The following ODF2L variants were observed in gnomAD, a reference collection of about 807,000 sequenced individuals.
The protein encoded by ODF2L is protein BCAP.
Under a neutral mutation model 86.3 loss-of-function variants are expected in ODF2L, and 76 were observed. The ratio of observed to expected loss-of-function variants is 0.88; its 90% confidence interval spans 0.73 to 1.07. The LOEUF (loss-of-function observed/expected upper bound fraction) is 1.07. Ranked by LOEUF, ODF2L falls within the 50% of genes least tolerant of loss-of-function variation. ODF2L has a pLI of 0.00. For missense variants in ODF2L, 748 were observed against 717.4 expected (o/e 1.04, Z -0.49); for synonymous variants, 241 against 231.3 (o/e 1.04, Z -0.38).
rs774921654 is a variant in ODF2L, at chr1:86,385,755, CTTTAT to C, written c.114-170_114-166del. On this transcript the variant is annotated intron_variant, in intron 2 of 17. Transcript: ENST00000317336. ...TGAGTGTAAGCAAATTTTAAGAATA[CTTTAT>C]TTTACTTATATTTTACTTGTACGTA... 1,035 of 467,524 alleles carry C rather than the reference CTTTAT, an allele frequency of 2.2e-3. 5 individuals carry two copies. The highest frequency in any genetic ancestry group is 0.012 in the Middle Eastern group (22 of 1,798). The allele number at this position is 467,524 out of a possible 1,614,324, so 29.0% of individuals were successfully genotyped here. A position where few individuals can be genotyped will look rare whatever the true frequency, so the allele number is the denominator to read the frequency against.
Position 86,359,519 on chromosome 1 carries a change from C to CTTTTT in ODF2L, c.1255-633_1255-629dup, listed in dbSNP as rs5775904. ...CTTAAGCTTTCATCCTTAGTTCATTCTTTTTTTTTTTTTTTTTTTTTGAGA... is the reference window on the plus strand; with the variant it reads ...CTTAAGCTTTCATCCTTAGTTCATTCTTTTTTTTTTTTTTTTTTTTTTTTTTGAGA... On this transcript the variant is annotated intron_variant, in intron 12 of 17. Transcript: ENST00000317336. Among the ~76,000 whole-genome samples the CTTTTT allele has an allele frequency of 7.4e-5, 7 of 95,106 alleles. No homozygotes were observed. The East Asian group carries it at 1.3e-3, about 18-fold the overall frequency. The allele number at this position is 95,106 out of a possible 152,430, so 62.4% of individuals were successfully genotyped here.
rs1398147905 is a variant in ODF2L, at chr1:86,388,040, C to T, written c.-59-954G>A. Among the ~76,000 whole-genome samples, 9 of 152,062 alleles carry T rather than the reference C, an allele frequency of 5.9e-5. No individual in the cohort carries two copies. In the East Asian group the frequency reaches 1.7e-3, roughly 29 times the overall value. ...TGTCCATAAAATGTATATATTTTATCTGAATGTTCTATATACTATAGAGAC... is the reference window on the plus strand; with the variant it reads ...TGTCCATAAAATGTATATATTTTATTTGAATGTTCTATATACTATAGAGAC... On this transcript the variant is annotated intron_variant, in intron 1 of 17. Coordinates refer to ENST00000317336, the Ensembl canonical transcript of ODF2L.
chr1:86,365,375 G>A (rs1206170678), intron 11 of ODF2L, among the ~76,000 whole-genome samples: 1 of 152,114 alleles, frequency 6.6e-6, no homozygotes, highest in Admixed American at 6.5e-5. Context: ...TAGAAGTAAT[G>A]GAAGGATAAA....
chr1:86,370,916 C>CAT (rs1299150773), intron 10 of ODF2L, 102 bp downstream of exon 10: 4 of 630,526 alleles, frequency 6.3e-6, no homozygotes, highest in Non-Finnish European at 1.0e-5. Context: ...CAGAATTATA[C>CAT]AAGAGCACTG....
At chr1:86,348,692 A>G, downstream of ODF2L, 1 of 1,289,944 alleles carries the variant, frequency 7.8e-7, no homozygotes, top group Non-Finnish European at 1.0e-6. Flanking sequence ...TTTTTTACCC[A>G]ATCACATTTT....
At chr1:86,352,765 A>C in intron 17 of ODF2L, 94 bp downstream of exon 16, 1 of 738,270 alleles carries the variant, frequency 1.4e-6, no homozygotes, top group Non-Finnish European at 2.2e-6. Context: ...TTATCAGTAA[A>C]ACAATAGACT....
rs371305682 is a variant in ODF2L at position 86,382,358 on chromosome 1, C to T, written c.508G>A (p.Ala170Thr). ...AAACGGTTTGCTTTCAAAGTATTTGCCTGTAACAAAGAGAAAGAGAAAACC... is the reference window on the plus strand; with the variant it reads ...AAACGGTTTGCTTTCAAAGTATTTGTCTGTAACAAAGAGAAAGAGAAAACC... Residue 170 changes from alanine to threonine, a missense_variant and splice_region_variant, in exon 7 of 18, where the codon GCA becomes ACA. Transcript: ENST00000317336. 31 of 1,610,226 alleles carry T rather than the reference C, an allele frequency of 1.9e-5. No individual in the cohort carries two copies. The African/African-American group carries it at 3.8e-4, about 19-fold the overall frequency.
At chr1:86,377,930 T>C (rs111534251) in intron 7 of ODF2L, among the ~76,000 whole-genome samples, 4 of 152,246 alleles carry the variant, frequency 2.6e-5, no homozygotes, top group Admixed American at 6.5e-5. Flanking sequence ...TGCAGACCAC[T>C]TGAATTTCTC....
At position 86,354,797 on chromosome 1, in the gene ODF2L, C is replaced by T. The variant is rs746328525; in HGVS notation, c.1581G>A (p.Gln527=). The change falls in exon 15 of 18, where the codon CAG becomes CAA. Residue 527 remains glutamine (Q), a synonymous_variant. Coordinates refer to ENST00000317336, the Ensembl canonical transcript of ODF2L. ...ACTGTTGAAGGTTTTCACACTTCAG[C>T]TGAATAAGACAGTTTTCCTCTTCCA... 4.4e-6 allele frequency: 7 copies of T among 1,604,162 alleles called. No individual in the cohort carries two copies. In the African/African-American group the frequency reaches 9.4e-5, roughly 21 times the overall value.
intron 7 of ODF2L, 165 bp downstream of exon 7, chr1:86,382,077 C>T: frequency 2.0e-6 from 2 of 989,904 alleles, no homozygotes; most frequent in Non-Finnish European, 2.6e-6. Flanking sequence ...TGTACCCAAA[C>T]CTTTAGTTAG....
At chr1:86,390,354 A>T (rs938014972) in intron 1 of ODF2L, among the ~76,000 whole-genome samples, 7 of 152,156 alleles carry the variant, frequency 4.6e-5, no homozygotes, top group African/African-American at 1.7e-4. Context: ...CAGGAGGCGG[A>T]GGTTGCAGTG....
chr1:86,359,241 TAAA>T (rs57483150), intron 12 of ODF2L, among the ~76,000 whole-genome samples: 198 of 145,108 alleles, frequency 1.4e-3, no homozygotes, highest in Admixed American at 1.3e-3. Flanking sequence ...CAAAATCTGC[TAAA>T]AAAAAAAAAA....
intron 7 of ODF2L, among the ~76,000 whole-genome samples, chr1:86,379,161 C>G (rs777892188): frequency 6.6e-6 from 1 of 152,080 alleles, no homozygotes. Context: ...TGAGCAGATG[C>G]CAGAATCATG....
intron 13 of ODF2L, 69 bp downstream of exon 12, chr1:86,358,718 A>G: frequency 1.6e-6 from 1 of 608,292 alleles, no homozygotes; most frequent in Non-Finnish European, 2.7e-6. Context: ...ACCAAAATGA[A>G]TGAATTTGTG....
intron 1 of ODF2L, among the ~76,000 whole-genome samples, chr1:86,392,026 T>A (rs1308122463): frequency 6.6e-6 from 1 of 152,070 alleles, no homozygotes. Context: ...AAAAGTGGGC[T>A]AAGGACATGA....
chr1:86,386,014 T>G (rs1239033764), intron 2 of ODF2L: 2 of 153,952 alleles, frequency 1.3e-5, no homozygotes, highest in African/African-American at 2.4e-5. Context: ...CCTAAGAACA[T>G]TCTATCTATA....
rs760179429 is a variant in ODF2L, at chr1:86,376,304, T to G, written c.739A>C (p.Lys247Gln). Residue 247 changes from lysine (K) to glutamine (Q), a missense_variant, in exon 8 of 18, where the codon AAA (lysine) becomes CAA (glutamine). Transcript: ENST00000317336. ...TGGTCAAGCCTTTGTTTGTAAACTTTAGATGCCTTTTTTAAAGCTACAGTT... is the reference window on the plus strand; with the variant it reads ...TGGTCAAGCCTTTGTTTGTAAACTTGAGATGCCTTTTTTAAAGCTACAGTT... 1.9e-6 allele frequency: 3 copies of G among 1,612,900 alleles called. No individual in the cohort carries two copies. In the East Asian group the frequency reaches 6.7e-5, roughly 36 times the overall value.
In ODF2L at chr1:86,356,239, T is replaced by C. The variant is rs530487083; in HGVS notation, c.1518+205A>G. ...TTGCATGAATAAACTAAAATAAGAA[T>C]TTTAATTACCAATTTTTCACCATAA... is the stretch of plus-strand genomic sequence containing the variant. On this transcript the variant is annotated intron_variant, in intron 14 of 17. Coordinates refer to ENST00000317336, the Ensembl canonical transcript of ODF2L. 5.3e-5 allele frequency among the ~76,000 whole-genome samples: 8 copies of C among 151,974 alleles called. No individual in the cohort carries two copies. The South Asian group carries it at 6.2e-4, about 12-fold the overall frequency.
At chr1:86,390,656 C>T (rs1452750843) in intron 1 of ODF2L, among the ~76,000 whole-genome samples, 1 of 152,088 alleles carries the variant, frequency 6.6e-6, no homozygotes, top group African/African-American at 2.4e-5. Context: ...AAACCCCCAG[C>T]AAAATCGGCA....
Sources: gnomAD v4.1 joint callset for allele counts (sites outside exome capture counted in the v4.1 genomes callset) on GRCh38, gnomAD v4.1.1 for gene constraint, MANE v1.5 for transcripts, NCBI Gene and HGNC (gene_info 2026-07-23, HGNC 2026-07-21) for gene names.